The following WDFY3 variants were observed in gnomAD, a reference collection of about 807,000 sequenced individuals.
WDFY3 encodes the protein WD repeat and FYVE domain containing 3.
In WDFY3, 66 loss-of-function variants were observed where a neutral mutation model predicts 409.6. The ratio of observed to expected loss-of-function variants is 0.16; its 90% CI spans 0.13 to 0.20. The LOEUF (loss-of-function observed/expected upper bound fraction) is 0.20, where lower values mean the gene tolerates loss of function less well. Ranked by LOEUF, WDFY3 falls within the 10% of genes least tolerant of loss-of-function variation. The pLI is 1.00. For missense variants in WDFY3, 3,031 were observed against 4,298.1 expected, an observed-to-expected ratio of 0.71 and a Z score of 8.24; for synonymous variants, 1,521 against 1,537.1, an observed-to-expected ratio of 0.99 and a Z score of 0.25.
intron 23 of WDFY3, among the ~76,000 whole-genome samples, 157 bp from the exon 24 acceptor site, chr4:84,786,296 ATTTC>A (rs373540140): frequency 3.3e-5 from 5 of 152,216 alleles, no homozygotes; most frequent in Admixed American, 3.3e-4. Context: ...CTCTTCATTT[ATTTC>A]TTTAATTAAA....
rs557210343 is a variant in WDFY3 at position 84,836,000 on chromosome 4, T to C, written c.576+929A>G. Among the ~76,000 whole-genome samples, 106 of 152,332 alleles carry C rather than the reference T, an allele frequency of 7.0e-4. 1 individual carries two copies. Among genetic ancestry groups the C allele is most frequent in the African/African-American group, 2.5e-3 (105 of 41,564 alleles). ...CTTTAGAGAACTAGATCTAAACATG[T>C]TGTTTTTAACTGTTGATTGGGTTAA... is the stretch of plus-strand genomic sequence containing the variant. On this transcript the variant is annotated intron_variant, in intron 7 of 67. Transcript: ENST00000295888.
intron 44 of WDFY3, among the ~76,000 whole-genome samples, chr4:84,727,749 G>A (rs1269590294): frequency 6.6e-6 from 1 of 152,122 alleles, no homozygotes; most frequent in Non-Finnish European, 1.5e-5. Flanking sequence ...TAGTAAACAT[G>A]AGCAGGCAAA....
intron 44 of WDFY3, among the ~76,000 whole-genome samples, chr4:84,732,742 T>C (rs1385633785): frequency 6.6e-6 from 1 of 152,196 alleles, no homozygotes; most frequent in African/African-American, 2.4e-5. Flanking sequence ...TATTCCATTA[T>C]GTATACACAG....
chr4:84,738,224 T>C (rs1455386969), intron 40 of WDFY3, among the ~76,000 whole-genome samples: 1 of 151,664 alleles, frequency 6.6e-6, no homozygotes, highest in Non-Finnish European at 1.5e-5. Context: ...TCACTAAACA[T>C]GTGGAAATAA....
At chr4:84,890,904 G>T (rs1249676110) in intron 3 of WDFY3, among the ~76,000 whole-genome samples, 1 of 152,132 alleles carries the variant, frequency 6.6e-6, no homozygotes, top group Non-Finnish European at 1.5e-5. Flanking sequence ...CCCACTTTGG[G>T]TTCCCAAGTA....
At chr4:84,856,369 G>A (rs1759764823) in intron 4 of WDFY3, among the ~76,000 whole-genome samples, 2 of 152,052 alleles carry the variant, frequency 1.3e-5, no homozygotes, top group South Asian at 4.1e-4. Flanking sequence ...AATTAACAGT[G>A]GCAGTTATGA....
Position 84,721,432 on chromosome 4 carries a change from G to A in WDFY3, c.7582C>T (p.Arg2528Cys), listed in dbSNP as rs1734841034. The A allele has an allele frequency of 1.9e-6, 3 of 1,613,596 alleles. No homozygotes were observed. The highest frequency in any genetic ancestry group is 2.5e-6 in the Non-Finnish European group (3 of 1,180,002). Residue 2528 changes from arginine to cysteine, a missense_variant, in exon 47 of 68, where the codon CGC (arginine) becomes TGC (cysteine). Physicochemically the swap from Arg to Cys is radical, Grantham distance 180. This residue lies in a region of WDFY3 where 17 missense variants were observed against 36.7 expected (regional missense o/e 0.46). Transcript: ENST00000295888. ...EEKTDNATLL[R>C]LLEEGEKIQH... Reference sequence around the variant, plus strand: ...ACCTTTTCTCCTTCCTCTAACAGGCGCAGTAAGGTAGCATTATCTGTTTTC... The same window carrying A: ...ACCTTTTCTCCTTCCTCTAACAGGCACAGTAAGGTAGCATTATCTGTTTTC...
intron 1 of WDFY3, among the ~76,000 whole-genome samples, chr4:84,947,597 C>T (rs1226946316): frequency 1.3e-5 from 2 of 148,576 alleles, no homozygotes; most frequent in Non-Finnish European, 3.0e-5. Context: ...AGGCTGGGCG[C>T]AGTGGCTCAC....
intron 35 of WDFY3, 142 bp from the exon 36 acceptor site, chr4:84,751,858 G>C (rs921160172): frequency 2.4e-6 from 2 of 841,830 alleles, no homozygotes; most frequent in African/African-American, 1.7e-5. Flanking sequence ...TGCTTTACTC[G>C]ACCCTTCCTT....
At position 84,794,629 on chromosome 4, in the gene WDFY3, A is replaced by C; in HGVS notation, c.3377T>G (p.Val1126Gly). 1 of 1,614,140 alleles carries C rather than the reference A, an allele frequency of 6.2e-7. No individual in the cohort carries two copies. Among genetic ancestry groups the C allele is most frequent in the East Asian group, 2.2e-5 (1 of 44,860 alleles). The change falls in exon 21 of 68, where the codon GTG becomes GGG. Residue 1126 changes from valine to glycine, a missense_variant. This residue lies in a region of WDFY3 where 1,322 missense variants were observed against 1,697.9 expected (regional missense o/e 0.78). Transcript: ENST00000295888. ...NNHPVRLLTV[V>G]RRANSSEQHY... Reference sequence around the variant, plus strand: ...TTGCTCAGAAGAATTTGCTCGGCGCACAACAGTAAGAAGTCTGACAGGGTG... The same window carrying C: ...TTGCTCAGAAGAATTTGCTCGGCGCCCAACAGTAAGAAGTCTGACAGGGTG...
chr4:84,701,023 T>C (rs955088974), intron 56 of WDFY3, among the ~76,000 whole-genome samples: 1 of 152,192 alleles, frequency 6.6e-6, no homozygotes, highest in South Asian at 2.1e-4. Context: ...AGCACGAGAA[T>C]TGCTTGAACC....
chr4:84,715,486 A>T (rs1229175286), intron 49 of WDFY3, 103 bp from the exon 50 acceptor site: 1 of 726,840 alleles, frequency 1.4e-6, no homozygotes, highest in African/African-American at 1.8e-5. Flanking sequence ...TCAAGAAGTT[A>T]ATCTGCGGCC....
chr4:84,864,258 C>T (rs1358645445), intron 3 of WDFY3, among the ~76,000 whole-genome samples: 1 of 151,168 alleles, frequency 6.6e-6, no homozygotes, highest in East Asian at 2.0e-4. Context: ...GTCCCAGCTA[C>T]TCAGGAGGCC....
At chr4:84,908,185 C>T (rs1561051973) in intron 2 of WDFY3, among the ~76,000 whole-genome samples, 1 of 152,092 alleles carries the variant, frequency 6.6e-6, no homozygotes, top group African/African-American at 2.4e-5. Context: ...GTATGGAAAA[C>T]GGCTCCAAAG....
chr4:84,722,450 T>A (rs188185517), intron 46 of WDFY3, among the ~76,000 whole-genome samples: 1 of 152,310 alleles, frequency 6.6e-6, no homozygotes, highest in African/African-American at 2.4e-5. Context: ...TCTTGAAGAC[T>A]ATTTCATGCC....
At chr4:84,674,121 T>C (rs902891037) in intron 67 of WDFY3, among the ~76,000 whole-genome samples, 10 of 152,224 alleles carry the variant, frequency 6.6e-5, no homozygotes, top group Non-Finnish European at 1.2e-4. Flanking sequence ...TCAGAACTTA[T>C]CACTGTTTGG....
chr4:84,920,093 G>A lies in WDFY3; in HGVS notation c.-132+12177C>T, dbSNP rs1204942870. Among the ~76,000 whole-genome samples the A allele has an allele frequency of 5.3e-5, 8 of 152,092 alleles. 1 individual carries two copies. The highest frequency in any genetic ancestry group is 2.0e-4 in the Admixed American group (3 of 15,278). The stretch of plus-strand genomic sequence containing the variant: ...ACAAAAAATAACTTCTGAAAAGGGA[G>A]AGAAAGGATGACTGTGTACTTTTAA... On this transcript the variant is annotated intron_variant, in intron 2 of 67. Coordinates refer to ENST00000295888, the MANE Select transcript of WDFY3 (RefSeq NM_014991.6).
intron 2 of WDFY3, among the ~76,000 whole-genome samples, chr4:84,900,449 C>T (rs1766202397): frequency 6.6e-6 from 1 of 152,088 alleles, no homozygotes; most frequent in African/African-American, 2.4e-5. Flanking sequence ...TGGTCTCAAA[C>T]TCCTGGCCTC....
intron 3 of WDFY3, among the ~76,000 whole-genome samples, chr4:84,868,787 T>C (rs17369165): frequency 0.12 from 18,678 of 152,178 alleles, 1,395 homozygotes; most frequent in South Asian, 0.24. Flanking sequence ...CAACCACTAA[T>C]AGAAGCCCTA....
Sources: gnomAD v4.1 joint callset for allele counts (sites outside exome capture counted in the v4.1 genomes callset) on GRCh38, gnomAD v4.1.1 for gene constraint, gnomAD v4.1.1 regional missense constraint, MANE v1.5 for transcripts, NCBI Gene and HGNC (gene_info 2026-07-23, HGNC 2026-07-21) for gene names.